PLCB4: variants seen among roughly 807,000 people sequenced by gnomAD.
PLCB4 encodes the protein 1-phosphatidylinositol 4,5-bisphosphate phosphodiesterase beta-4.
PLCB4 carries 77 observed loss-of-function variants against 178.8 expected under a neutral mutation model. The ratio of observed to expected loss-of-function variants is 0.43; its 90% CI spans 0.36 to 0.52. The LOEUF (loss-of-function observed/expected upper bound fraction) is 0.52. Ranked by LOEUF, PLCB4 falls within the 20% of genes least tolerant of loss-of-function variation. The pLI is 0.00. For synonymous variants in PLCB4, 496 were observed against 490.8 expected, an observed-to-expected ratio of 1.01 and a Z score of -0.14; for missense variants, 1,024 against 1,453.4, an observed-to-expected ratio of 0.70 and a Z score of 4.80.
intron 3 of PLCB4, among the ~76,000 whole-genome samples, chr20:9,256,071 T>C (rs1208319763): frequency 2.0e-5 from 3 of 152,164 alleles, no homozygotes; most frequent in African/African-American, 4.8e-5. Context: ...ATCTCTATTA[T>C]GGTCAAGCAT....
chr20:9,091,127 A>G (rs2090659746), intron 1 of PLCB4, among the ~76,000 whole-genome samples: 1 of 152,076 alleles, frequency 6.6e-6, no homozygotes, highest in African/African-American at 2.4e-5. Context: ...TGTACCATAC[A>G]TGGGAGAGGG....
chr20:9,152,841 G>T (rs2092714112), intron 2 of PLCB4, among the ~76,000 whole-genome samples: 1 of 152,124 alleles, frequency 6.6e-6, no homozygotes, highest in Non-Finnish European at 1.5e-5. Context: ...GCCAGCCCAT[G>T]AAAGCATCTG....
rs528218872 is a variant in PLCB4, at chr20:9,384,795, C to CT, written c.1064+401dup. Among the ~76,000 whole-genome samples the CT allele has an allele frequency of 4.9e-3, 636 of 131,052 alleles. 5 individuals carry two copies. Among genetic ancestry groups the CT allele is most frequent in the African/African-American group, 0.011 (385 of 35,770 alleles). The allele number at this position is 131,052 out of a possible 152,430, so 86.0% of individuals were successfully genotyped here. A position where few individuals can be genotyped will look rare whatever the true frequency, so the allele number is the denominator to read the frequency against. ...TTGATTATAGGCACTTGTAAATTAGCTTTTTTTTTTTTTTTTTAGTATTTA... is the reference window on the plus strand; with the variant it reads ...TTGATTATAGGCACTTGTAAATTAGCTTTTTTTTTTTTTTTTTTAGTATTTA... On this transcript the variant is annotated intron_variant, in intron 14 of 39. Transcript: ENST00000378473.
At chr20:9,412,371 C>T (rs2039919517) in intron 25 of PLCB4, among the ~76,000 whole-genome samples, 1 of 152,104 alleles carries the variant, frequency 6.6e-6, no homozygotes, top group Non-Finnish European at 1.5e-5. Context: ...AGCTCAGCTC[C>T]CAGCTGCTCC....
intron 28 of PLCB4, among the ~76,000 whole-genome samples, chr20:9,427,368 G>GAAA (rs141887905): frequency 7.6e-6 from 1 of 131,648 alleles, no homozygotes; most frequent in African/African-American, 2.8e-5. Flanking sequence ...TCTCCTATCA[G>GAAA]AAAAAAAAAA....
At chr20:9,131,136 A>G (rs1320599143) in intron 2 of PLCB4, among the ~76,000 whole-genome samples, 2 of 152,120 alleles carry the variant, frequency 1.3e-5, no homozygotes, top group South Asian at 4.1e-4. Context: ...TGTTCTGAAG[A>G]TACCTGAGAA....
At chr20:9,259,667 G>C (rs1461328878) in intron 3 of PLCB4, among the ~76,000 whole-genome samples, 2 of 152,024 alleles carry the variant, frequency 1.3e-5, no homozygotes, top group Admixed American at 6.6e-5. Context: ...ATAGAGGTTT[G>C]AGCATATTAT....
intron 3 of PLCB4, among the ~76,000 whole-genome samples, chr20:9,277,395 C>A (rs569303167): frequency 6.6e-6 from 1 of 152,128 alleles, no homozygotes; most frequent in South Asian, 2.1e-4. Flanking sequence ...AGCTTTGTTT[C>A]TTTCCCTGAG....
chr20:9,454,380 A>G (rs917425731), intron 33 of PLCB4, among the ~76,000 whole-genome samples: 4 of 152,176 alleles, frequency 2.6e-5, no homozygotes, highest in African/African-American at 4.8e-5. Flanking sequence ...GGAAAATTCC[A>G]TGAGACCACG....
chr20:9,335,243 C>T (rs987138598), intron 4 of PLCB4, among the ~76,000 whole-genome samples: 4 of 151,996 alleles, frequency 2.6e-5, no homozygotes, highest in East Asian at 1.9e-4. Flanking sequence ...ACATAAGACC[C>T]GCCATGGCCT....
At chr20:9,411,363 G>T (rs1419179508) in intron 25 of PLCB4, among the ~76,000 whole-genome samples, 2 of 152,172 alleles carry the variant, frequency 1.3e-5, no homozygotes, top group African/African-American at 4.8e-5. Flanking sequence ...AATAGTGGAG[G>T]ATTTTATGTC....
chr20:9,356,986 C>A (rs1293137950), intron 7 of PLCB4, among the ~76,000 whole-genome samples: 4 of 152,016 alleles, frequency 2.6e-5, no homozygotes, highest in Non-Finnish European at 1.5e-5. Context: ...TGTGGTGGCT[C>A]ACACTTGTGG....
At chr20:9,247,913 C>A (rs566481422) in intron 3 of PLCB4, among the ~76,000 whole-genome samples, 1 of 152,192 alleles carries the variant, frequency 6.6e-6, no homozygotes, top group East Asian at 1.9e-4. Context: ...TTTTTTATTT[C>A]TTAAAAAACA....
chr20:9,378,738 T>C (rs186258137), intron 12 of PLCB4, among the ~76,000 whole-genome samples: 8 of 152,270 alleles, frequency 5.3e-5, no homozygotes, highest in Admixed American at 4.6e-4. Context: ...TTGGGATAAA[T>C]TGATGAAATT....
chr20:9,324,977 T>C (rs1429552582), intron 4 of PLCB4, among the ~76,000 whole-genome samples: 1 of 152,246 alleles, frequency 6.6e-6, no homozygotes, highest in Non-Finnish European at 1.5e-5. Context: ...TTCAGCATTG[T>C]CTATTATCTC....
At chr20:9,249,398 C>A (rs1206363310) in intron 3 of PLCB4, among the ~76,000 whole-genome samples, 1 of 152,132 alleles carries the variant, frequency 6.6e-6, no homozygotes, top group African/African-American at 2.4e-5. Flanking sequence ...GCCTCTAACT[C>A]CTGGGCTCAA....
At chr20:9,162,709 C>T (rs1286275135) in intron 2 of PLCB4, among the ~76,000 whole-genome samples, 1 of 151,600 alleles carries the variant, frequency 6.6e-6, no homozygotes. Context: ...TTGTGTTTTT[C>T]CTTTTTTGTG....
chr20:9,242,245 T>C (rs2094071942), intron 3 of PLCB4, among the ~76,000 whole-genome samples: 1 of 152,194 alleles, frequency 6.6e-6, no homozygotes, highest in Non-Finnish European at 1.5e-5. Context: ...TGGGCAGTTA[T>C]TGAGTCAGAT....
chr20:9,361,580 C>A (rs561719329), intron 7 of PLCB4, among the ~76,000 whole-genome samples: 10 of 152,166 alleles, frequency 6.6e-5, no homozygotes, highest in African/African-American at 2.4e-4. Context: ...TGCATAACAA[C>A]ATGAATGTAC....
Sources: gnomAD v4.1 joint callset for allele counts (sites outside exome capture counted in the v4.1 genomes callset) on GRCh38, gnomAD v4.1.1 for gene constraint, MANE v1.5 for transcripts, NCBI Gene and HGNC (gene_info 2026-07-23, HGNC 2026-07-21) for gene names.